ARMC9: variants seen among roughly 807,000 people sequenced by gnomAD.
ARMC9 encodes the protein lisH domain-containing protein ARMC9.
Under a neutral mutation model 107.0 loss-of-function variants are expected in ARMC9, and 94 were observed. The ratio of observed to expected loss-of-function variants is 0.88; its 90% CI spans 0.74 to 1.04. The LOEUF (loss-of-function observed/expected upper bound fraction) is 1.04, where lower values mean the gene tolerates loss of function less well. Ranked by LOEUF, ARMC9 falls within the 50% of genes least tolerant of loss-of-function variation. The pLI is 0.00. For synonymous variants in ARMC9, 380 were observed against 396.9 expected (o/e 0.96, Z 0.51); for missense variants, 942 against 1,030.1 (o/e 0.91, Z 1.17).
intron 23 of ARMC9, among the ~76,000 whole-genome samples, chr2:231,365,158 C>A (rs1376430420): frequency 6.6e-6 from 1 of 152,110 alleles, no homozygotes; most frequent in Non-Finnish European, 1.5e-5. Flanking sequence ...AGCAGAGAAA[C>A]CATGTGGAAA....
intron 21 of ARMC9, among the ~76,000 whole-genome samples, chr2:231,353,474 A>T (rs1485732006): frequency 9.0e-6 from 1 of 110,610 alleles, no homozygotes; most frequent in Non-Finnish European, 1.6e-5. Flanking sequence ...GAGCCACTGC[A>T]CCCGGCCACA....
chr2:231,353,196 C>CTTTTT (rs947333223), intron 21 of ARMC9, among the ~76,000 whole-genome samples: 1 of 130,320 alleles, frequency 7.7e-6, no homozygotes, highest in Non-Finnish European at 1.5e-5. Flanking sequence ...AGTGACAATT[C>CTTTTT]TTTTTTTTTG....
chr2:231,208,549 GTTA>G (rs2032367422), intron 3 of ARMC9, among the ~76,000 whole-genome samples: 1 of 152,216 alleles, frequency 6.6e-6, no homozygotes, highest in African/African-American at 2.4e-5. Flanking sequence ...GGAGTTTCAG[GTTA>G]TTAATTCTAG....
In ARMC9 at chr2:231,216,703, C is replaced by T; in HGVS notation, c.414C>T (p.Ala138=). 6.2e-7 allele frequency: 1 copy of T among 1,613,970 alleles called. No homozygotes were observed. The highest frequency in any genetic ancestry group is 8.5e-7 in the Non-Finnish European group (1 of 1,179,868). ...CCTACCTGGAGACCAAAGGGGCAGCCTTGAGCCAGACCACAGAGTTTCTTC... is the reference window on the plus strand; with the variant it reads ...CCTACCTGGAGACCAAAGGGGCAGCTTTGAGCCAGACCACAGAGTTTCTTC... ...FKTYLETKGA[A]LSQTTEFLPF... is the part of the protein sequence containing the mutation. Residue 138 remains alanine, a synonymous_variant, in exon 5 of 25, where the codon GCC becomes GCT. Transcript: ENST00000611582.
intron 9 of ARMC9, among the ~76,000 whole-genome samples, chr2:231,250,156 T>C (rs1352834140): frequency 6.6e-6 from 1 of 152,200 alleles, no homozygotes; most frequent in East Asian, 1.9e-4. Flanking sequence ...TGGAGTGGGC[T>C]GGAGTCAGAG....
At chr2:231,202,319 CTTTTT>C (rs745728209) in intron 1 of ARMC9, among the ~76,000 whole-genome samples, 1 of 123,870 alleles carries the variant, frequency 8.1e-6, no homozygotes, top group Admixed American at 8.3e-5. Flanking sequence ...TCTTGTTTCA[CTTTTT>C]TTTTTTTTTT....
intron 5 of ARMC9, among the ~76,000 whole-genome samples, chr2:231,218,581 C>T (rs2033780355): frequency 2.6e-5 from 4 of 152,158 alleles, no homozygotes; most frequent in Admixed American, 2.6e-4. Context: ...GCTTGACTCA[C>T]TCAGATTTGG....
chr2:231,221,021 T>C (rs914982108), intron 5 of ARMC9, among the ~76,000 whole-genome samples: 2 of 152,196 alleles, frequency 1.3e-5, no homozygotes, highest in East Asian at 3.8e-4. Flanking sequence ...ACCTGGGTGA[T>C]TTCCCTAGGG....
intron 11 of ARMC9, among the ~76,000 whole-genome samples, chr2:231,261,064 C>T (rs980314256): frequency 6.6e-6 from 1 of 152,182 alleles, no homozygotes; most frequent in South Asian, 2.1e-4. Flanking sequence ...CAGCCCAGGG[C>T]GTCTGATGCT....
intron 21 of ARMC9, among the ~76,000 whole-genome samples, chr2:231,350,441 T>G (rs888397770): frequency 2.6e-5 from 4 of 151,960 alleles, no homozygotes; most frequent in Non-Finnish European, 5.9e-5. Context: ...CTTTAGGTCT[T>G]GTTTGATACA....
At chr2:231,336,393 C>T (rs1479173097) in intron 20 of ARMC9, among the ~76,000 whole-genome samples, 2 of 152,064 alleles carry the variant, frequency 1.3e-5, no homozygotes, top group South Asian at 2.1e-4. Flanking sequence ...TAGAGGAGGG[C>T]GCTGAGGCTG....
At chr2:231,353,978 TATACACACACACACAC>T (rs557930151) in intron 21 of ARMC9, among the ~76,000 whole-genome samples, 8,445 of 138,256 alleles carry the variant, frequency 0.061, 794 homozygotes, top group African/African-American at 0.25. Flanking sequence ...TATATGTATA[TATACACACACACACAC>T]ACACACACAC....
chr2:231,212,668 G>T (rs17440635), intron 3 of ARMC9, among the ~76,000 whole-genome samples: 35,691 of 152,124 alleles, frequency 0.23, 5,181 homozygotes, highest in Admixed American at 0.37. Context: ...CACTGCCCCT[G>T]GGAGGATCCC....
chr2:231,263,703 T>C (rs1010342619), intron 12 of ARMC9, among the ~76,000 whole-genome samples: 3 of 152,232 alleles, frequency 2.0e-5, no homozygotes, highest in African/African-American at 7.2e-5. Flanking sequence ...AGTTGCCAGT[T>C]TACTCTGTGA....
At chr2:231,293,413 A>G (rs1220292800) in intron 18 of ARMC9, among the ~76,000 whole-genome samples, 5 of 152,120 alleles carry the variant, frequency 3.3e-5, no homozygotes, top group Non-Finnish European at 5.9e-5. Flanking sequence ...ATTCAGCCTG[A>G]GAATCTTCTT....
intron 21 of ARMC9, among the ~76,000 whole-genome samples, chr2:231,347,674 T>G (rs1476594088): frequency 6.6e-6 from 1 of 152,212 alleles, no homozygotes; most frequent in Non-Finnish European, 1.5e-5. Context: ...AACAGCTCAT[T>G]ATTTCTCCAC....
At chr2:231,226,722 C>T in intron 6 of ARMC9, 52 bp from the exon 7 acceptor site, 1 of 1,596,306 alleles carries the variant, frequency 6.3e-7, no homozygotes, top group South Asian at 1.1e-5. Flanking sequence ...GTCCGATACC[C>T]CAAGTACCGT....
At chr2:231,355,701 C>A in intron 21 of ARMC9, 97 bp from the exon 22 acceptor site, 2 of 1,377,624 alleles carry the variant, frequency 1.5e-6, no homozygotes, top group South Asian at 2.9e-5. Flanking sequence ...CTTTGAGGCA[C>A]CGCCCCCTCC....
chr2:231,293,503 G>A (rs1035337836), intron 18 of ARMC9, among the ~76,000 whole-genome samples: 2 of 152,140 alleles, frequency 1.3e-5, no homozygotes, highest in African/African-American at 4.8e-5. Flanking sequence ...CAAGAAGCAG[G>A]GTGCAGGCCC....
Sources: gnomAD v4.1 joint callset for allele counts (sites outside exome capture counted in the v4.1 genomes callset) on GRCh38, gnomAD v4.1.1 for gene constraint, MANE v1.5 for transcripts, NCBI Gene and HGNC (gene_info 2026-07-23, HGNC 2026-07-21) for gene names.